HADHA: variants seen among roughly 807,000 people sequenced by gnomAD.
HADHA encodes the protein trifunctional enzyme subunit alpha, mitochondrial.
A neutral mutation model predicts 91.3 loss-of-function variants in HADHA; 59 were observed. The observed-to-expected ratio is 0.65, with a 90% CI of 0.52 to 0.80. The LOEUF (loss-of-function observed/expected upper bound fraction) is 0.80. Ranked by LOEUF, HADHA falls within the 30% of genes least tolerant of loss-of-function variation. HADHA has a pLI of 0.00. For synonymous variants in HADHA, 320 were observed against 338.9 expected (o/e 0.94, Z 0.61); for missense variants, 800 against 927.6 (o/e 0.86, Z 1.79).
intron 11 of HADHA, among the ~76,000 whole-genome samples, chr2:26,204,892 T>A (rs186657161): frequency 3.6e-4 from 55 of 152,302 alleles, no homozygotes; most frequent in African/African-American, 1.3e-3. Context: ...AATCTTTCAT[T>A]TCCCCCAAAA....
In HADHA at chr2:26,229,287, A is replaced by C. The variant is rs551831206; in HGVS notation, c.676+905T>G. On this transcript the variant is annotated intron_variant, in intron 7 of 19. Coordinates refer to ENST00000380649, the MANE Select transcript of HADHA (RefSeq NM_000182.5). This position sits in a 1 kb window ranked among gnomAD's most constrained non-coding sequence, Gnocchi z 4.3. ...CAAAAAGTTGAGGTTGCAACAAGCTATATTCACACCACCATATTCCAGTCT... is the reference window on the plus strand; with the variant it reads ...CAAAAAGTTGAGGTTGCAACAAGCTCTATTCACACCACCATATTCCAGTCT... Among the ~76,000 whole-genome samples, 7 of 152,178 alleles carry C rather than the reference A, an allele frequency of 4.6e-5. No individual in the cohort carries two copies. In the South Asian group the frequency reaches 1.5e-3, roughly 32 times the overall value.
At chr2:26,233,491 C>T (rs1670675085) in intron 5 of HADHA, among the ~76,000 whole-genome samples, 1 of 152,164 alleles carries the variant, frequency 6.6e-6, no homozygotes, top group Non-Finnish European at 1.5e-5. Context: ...TTCTTTCCTA[C>T]ATGTTCGGGT....
intron 11 of HADHA, among the ~76,000 whole-genome samples, chr2:26,209,049 T>C (rs1057079239): frequency 6.6e-6 from 1 of 152,202 alleles, no homozygotes; most frequent in African/African-American, 2.4e-5. Flanking sequence ...ACTACTGACA[T>C]TTCGAACTGG....
At chr2:26,232,389 T>C (rs544282394) in intron 5 of HADHA, 110 bp from the exon 6 acceptor site, 1 of 771,438 alleles carries the variant, frequency 1.3e-6, no homozygotes, top group African/African-American at 1.7e-5. Flanking sequence ...GCTCACAGAA[T>C]AAACTGAAAT....
intron 7 of HADHA, among the ~76,000 whole-genome samples, chr2:26,217,033 G>A (rs1670239138): frequency 6.6e-6 from 1 of 152,192 alleles, no homozygotes; most frequent in Non-Finnish European, 1.5e-5. Flanking sequence ...AATTCATGCT[G>A]TATGTTACAG....
At chr2:26,242,244 T>C (rs1670914388) in intron 1 of HADHA, among the ~76,000 whole-genome samples, 1 of 152,256 alleles carries the variant, frequency 6.6e-6, no homozygotes. Context: ...CATTAAATGT[T>C]TGGCAAAGCC....
intron 17 of HADHA, 53 bp downstream of exon 17, chr2:26,193,524 G>T: frequency 7.0e-7 from 1 of 1,431,156 alleles, no homozygotes; most frequent in Non-Finnish European, 9.9e-7. Context: ...CTCAGGAACT[G>T]CTTAGAACTT....
At chr2:26,228,554 C>T (rs1336155960) in intron 7 of HADHA, among the ~76,000 whole-genome samples, 1 of 152,192 alleles carries the variant, frequency 6.6e-6, no homozygotes. Context: ...TACATTTCTA[C>T]AATGGAGTAA....
intron 14 of HADHA, 32 bp downstream of exon 14, chr2:26,197,659 C>G: frequency 1.0e-6 from 1 of 956,854 alleles, no homozygotes; most frequent in Non-Finnish European, 1.7e-6. Flanking sequence ...AGCAATAAAA[C>G]ATCTCAGGGT....
intron 7 of HADHA, among the ~76,000 whole-genome samples, chr2:26,219,694 C>T (rs530984148): frequency 7.7e-4 from 118 of 152,258 alleles, no homozygotes; most frequent in African/African-American, 2.7e-3. Context: ...CAGCACCATG[C>T]CAAATCAAGG....
intron 9 of HADHA, 82 bp from the exon 10 acceptor site, chr2:26,212,708 T>G: frequency 1.1e-6 from 1 of 905,796 alleles, no homozygotes; most frequent in Non-Finnish European, 1.9e-6. Context: ...TTGCCAGTGT[T>G]GTTAGTCCTC....
intron 11 of HADHA, among the ~76,000 whole-genome samples, chr2:26,205,904 G>A (rs1338084024): frequency 6.6e-6 from 1 of 152,016 alleles, no homozygotes; most frequent in East Asian, 1.9e-4. Context: ...GGATACTACT[G>A]GAAAAACAGA....
rs1233195909 is a variant in HADHA at position 26,236,927 on chromosome 2, G to A, written c.242C>T (p.Ala81Val). 8 of 1,606,306 alleles carry A rather than the reference G, an allele frequency of 5.0e-6. No individual in the cohort carries two copies. The East Asian group carries it at 1.1e-4, about 22-fold the overall frequency. ...EFSEVMNEIW[A>V]SDQIRSAVLI... is the part of the protein sequence containing the mutation. ...GACGGCACTTCTGATTTGATCACTA[G>A]CCCAGATTTCATTCATAACTTCTGA... The change falls in exon 4 of 20, where the codon GCT (alanine) becomes GTT (valine). Residue 81 changes from alanine (A) to valine (V), a missense_variant. By Grantham distance (64) the Ala-to-Val change is moderately conservative. Coordinates refer to ENST00000380649, the MANE Select transcript of HADHA (RefSeq NM_000182.5).
At chr2:26,208,730 A>G (rs1226448941) in intron 11 of HADHA, among the ~76,000 whole-genome samples, 1 of 152,160 alleles carries the variant, frequency 6.6e-6, no homozygotes, top group African/African-American at 2.4e-5. Context: ...CATGGAAGTA[A>G]TTTACCCTGC....
At position 26,195,085 on chromosome 2, in the gene HADHA, CCCTTA is replaced by C. The variant is rs764557236; in HGVS notation, c.1620+2_1620+6del. On this transcript the variant is annotated splice_donor_variant and splice_donor_5th_base_variant and intron_variant, in intron 15 of 19. Transcript: ENST00000380649. LOFTEE classifies it high-confidence loss of function. ...AAACTCTGCAGCTCTGTTATACAGC[CCCTTA>C]CCTTAACCACAATGATGACCTTCCC... The C allele has an allele frequency of 2.5e-6, 4 of 1,610,580 alleles. No homozygotes were observed. In the Admixed American group the frequency reaches 6.7e-5, roughly 27 times the overall value.
At chr2:26,194,477 A>G in intron 16 of HADHA, 93 bp downstream of exon 16, 1 of 835,426 alleles carries the variant, frequency 1.2e-6, no homozygotes, top group South Asian at 1.4e-5. Flanking sequence ...TTGGTGTATC[A>G]GAAGGAAGCT....
rs1225397307 is a variant in HADHA at position 26,193,516 on chromosome 2, C to T, written c.1885+61G>A. On this transcript the variant is annotated intron_variant, in intron 17 of 19. Coordinates refer to ENST00000380649, the MANE Select transcript of HADHA (RefSeq NM_000182.5). ...GAGGGCTTCTGTAACTCTTTGGTCT[C>T]AGGAACTGCTTAGAACTTTGTAACT... 1.6e-5 allele frequency: 22 copies of T among 1,372,436 alleles called. No homozygotes were observed. In the East Asian group the frequency reaches 4.8e-4, roughly 30 times the overall value. 85.0% of individuals were successfully genotyped at this position (1,372,436 alleles called of 1,614,324 possible).
intron 7 of HADHA, among the ~76,000 whole-genome samples, chr2:26,225,730 A>C (rs1378876265): frequency 6.6e-6 from 1 of 152,192 alleles, no homozygotes; most frequent in Non-Finnish European, 1.5e-5. Flanking sequence ...ACATATGAAA[A>C]ACCTACAACT....
rs371718744 is a variant in HADHA at position 26,214,419 on chromosome 2, G to T, written c.918+24C>A. The T allele has an allele frequency of 6.7e-6, 7 of 1,047,880 alleles. No homozygotes were observed. Among genetic ancestry groups the T allele is most frequent in the Non-Finnish European group, 1.1e-5 (7 of 663,900 alleles). The allele number at this position is 1,047,880 out of a possible 1,614,324, so 64.9% of individuals were successfully genotyped here. ...TATAAAGGAAGGAAATATGAGAAAA[G>T]TGGGAATATTGGGTAAGACTCACAT... On this transcript the variant is annotated intron_variant, in intron 9 of 19. Coordinates refer to ENST00000380649, the MANE Select transcript of HADHA (RefSeq NM_000182.5). This position sits in a 1 kb window ranked among gnomAD's most constrained non-coding sequence, Gnocchi z 4.1.
Sources: gnomAD v4.1 joint callset for allele counts (sites outside exome capture counted in the v4.1 genomes callset) on GRCh38, gnomAD v4.1.1 for gene constraint, Gnocchi (gnomAD v3.1) non-coding constraint, MANE v1.5 for transcripts, NCBI Gene and HGNC (gene_info 2026-07-23, HGNC 2026-07-21) for gene names.